COL6A3: variants seen among roughly 807,000 people sequenced by gnomAD.
COL6A3 encodes collagen type VI alpha 3 chain.
Under a neutral mutation model 274.1 loss-of-function variants are expected in COL6A3, and 137 were observed. The observed-to-expected ratio is 0.50, with a 90% CI of 0.44 to 0.58. The LOEUF is 0.58. Among genes scored for constraint, COL6A3 ranks in the 20% least tolerant of loss-of-function variants. COL6A3 has a pLI of 0.00. For synonymous variants in COL6A3, 1,650 were observed against 1,650.6 expected, an observed-to-expected ratio of 1.00 and a Z score of 0.01; for missense variants, 3,950 against 4,124.9, an observed-to-expected ratio of 0.96 and a Z score of 1.16.
At chr2:237,369,841 C>CTT in intron 9 of COL6A3, among the ~76,000 whole-genome samples, 1 of 146,002 alleles carries the variant, frequency 6.8e-6, no homozygotes, top group African/African-American at 2.5e-5. Flanking sequence ...CCTTTTCTTT[C>CTT]TTTTTTTTTT....
intron 1 of COL6A3, among the ~76,000 whole-genome samples, chr2:237,400,537 C>T (rs1057407959): frequency 1.3e-5 from 2 of 151,358 alleles, no homozygotes; most frequent in African/African-American, 4.9e-5. Context: ...ATATACAATC[C>T]ACCAAGACTG....
At position 237,368,980 on chromosome 2, in the gene COL6A3, A is replaced by G. The variant is rs1366703834; in HGVS notation, c.4483T>C (p.Ser1495Pro). 6.2e-7 allele frequency: 1 copy of G among 1,614,182 alleles called. No homozygotes were observed. Among genetic ancestry groups the G allele is most frequent in the Non-Finnish European group, 8.5e-7 (1 of 1,180,022 alleles). Reference sequence around the variant, plus strand: ...ATGGCGTCCAGCACCGGGGCCTGGGATCTGTAGGTTTTCAGATAGAATTCT... The same window carrying G: ...ATGGCGTCCAGCACCGGGGCCTGGGGTCTGTAGGTTTTCAGATAGAATTCT... ...FPEFYLKTYR[S>P]QAPVLDAIRR... Residue 1495 changes from serine to proline, a missense_variant, in exon 10 of 44, where the codon TCC (serine) becomes CCC (proline). Transcript: ENST00000295550. The surrounding 1 kb of genome is among the most constrained non-coding windows in gnomAD (Gnocchi z 4.4).
intron 24 of COL6A3, among the ~76,000 whole-genome samples, 170 bp downstream of exon 24, chr2:237,354,729 G>A (rs2077279820): frequency 6.6e-6 from 1 of 152,184 alleles, no homozygotes; most frequent in Admixed American, 6.5e-5. Context: ...AGGGCCTTCT[G>A]AGGCTGTGTC....
rs763511862 is a variant in COL6A3, at chr2:237,376,953, C to G, written c.2889G>C (p.Leu963=). The change falls in exon 7 of 44, where the codon CTG becomes CTC. Residue 963 remains leucine, a synonymous_variant. Transcript: ENST00000295550. The part of the protein sequence containing the change: ...SDRVDGPASN[L]KQSGVVPFIF... Reference sequence around the variant, plus strand: ...TGAAAGGCACAACCCCACTCTGCTTCAGGTTACTTGCTGGCCCATCCACAC... The same window carrying G: ...TGAAAGGCACAACCCCACTCTGCTTGAGGTTACTTGCTGGCCCATCCACAC... 1.2e-6 allele frequency: 2 copies of G among 1,614,240 alleles called. No individual in the cohort carries two copies. The highest frequency in any genetic ancestry group is 4.5e-5 in the East Asian group (2 of 44,884).
chr2:237,327,000 A>G (rs1699979071), intron 42 of COL6A3: 2 of 152,252 alleles, frequency 1.3e-5, no homozygotes, highest in South Asian at 4.1e-4. Flanking sequence ...AGACGCTCTC[A>G]GGGCCCAGAA....
chr2:237,326,858 C>T (rs962344528), intron 42 of COL6A3: 5 of 152,326 alleles, frequency 3.3e-5, no homozygotes, highest in Non-Finnish European at 7.3e-5. Flanking sequence ...TTGGATCACC[C>T]ACGATGGACC....
intron 8 of COL6A3, among the ~76,000 whole-genome samples, chr2:237,373,295 C>T (rs907760417): frequency 2.0e-5 from 3 of 152,168 alleles, no homozygotes; most frequent in African/African-American, 4.8e-5. Context: ...ACAGAGGCCT[C>T]CTGCAGGCAG....
At chr2:237,380,855 T>C in intron 5 of COL6A3, 60 bp downstream of exon 5, 5 of 1,483,468 alleles carry the variant, frequency 3.4e-6, no homozygotes, top group Non-Finnish European at 4.7e-6. Context: ...TTTTGTTTTG[T>C]TCTTAAAGGC....
rs983202734 is a variant in COL6A3 at position 237,368,311 on chromosome 2, GTAA to G, written c.4900+249_4900+251del. 3.2e-4 allele frequency among the ~76,000 whole-genome samples: 49 copies of G among 152,310 alleles called. No homozygotes were observed. The highest frequency in any genetic ancestry group is 6.6e-4 in the Non-Finnish European group (45 of 68,030). ...TCCTATTCTGAGAGCCAATGAGTTT[GTAA>G]TTATCTCAGTGCAACACTGCAGAAC... is the stretch of plus-strand genomic sequence containing the variant. On this transcript the variant is annotated intron_variant, in intron 10 of 43. Transcript: ENST00000295550. This position sits in a 1 kb window ranked among gnomAD's most constrained non-coding sequence, Gnocchi z 4.4.
chr2:237,324,982 CTG>C (rs1042640993), intron 43 of COL6A3, among the ~76,000 whole-genome samples, 168 bp from the exon 44 acceptor site: 5 of 152,150 alleles, frequency 3.3e-5, no homozygotes, highest in African/African-American at 1.2e-4. Context: ...CAAAGGCCCT[CTG>C]TGACGTTCTT....
At chr2:237,347,465 G>T (rs1318104012) in intron 31 of COL6A3, among the ~76,000 whole-genome samples, 1 of 152,202 alleles carries the variant, frequency 6.6e-6, no homozygotes, top group Non-Finnish European at 1.5e-5. Context: ...CCATTGCCTG[G>T]CCGTCTGGGT....
rs1035426256 is a variant in COL6A3, at chr2:237,407,692, G to A, written c.-31+6261C>T. On this transcript the variant is annotated intron_variant, in intron 1 of 43. Coordinates refer to ENST00000295550, the MANE Select transcript of COL6A3 (RefSeq NM_004369.4). This position sits in a 1 kb window ranked among gnomAD's most constrained non-coding sequence, Gnocchi z 4.3. ...TCCTAGCATTGCAGATAATAACCAT[G>A]AGGCAGAAAGTTCCATATCTGGTGT... Among the ~76,000 whole-genome samples, 25 of 152,194 alleles carry A rather than the reference G, an allele frequency of 1.6e-4. No individual in the cohort carries two copies. The highest frequency in any genetic ancestry group is 5.5e-4 in the African/African-American group (23 of 41,456).
intron 3 of COL6A3, among the ~76,000 whole-genome samples, chr2:237,390,437 T>C (rs571296647): frequency 1.3e-5 from 2 of 152,314 alleles, no homozygotes; most frequent in African/African-American, 4.8e-5. Context: ...AGCTGAAGCC[T>C]CAAGGGCACA....
intron 3 of COL6A3, among the ~76,000 whole-genome samples, chr2:237,388,786 C>T (rs998399395): frequency 2.6e-5 from 4 of 152,146 alleles, no homozygotes; most frequent in Admixed American, 2.6e-4. Context: ...CATGCAACTT[C>T]GTGAATCAGA....
chr2:237,336,230 G>C lies in COL6A3; in HGVS notation c.8870C>G (p.Ala2957Gly). The change falls in exon 40 of 44, where the codon GCT (alanine) becomes GGT (glycine). Residue 2957 changes from alanine (A) to glycine (G), a missense_variant. Physicochemically the swap from Ala to Gly is moderately conservative, Grantham distance 60. This residue lies in a region of COL6A3 where 1,284 missense variants were observed against 1,349.7 expected (regional missense o/e 0.95). Transcript: ENST00000295550. The stretch of plus-strand genomic sequence containing the variant: ...GGTCGCCACTGGTTTTGCAGCAGCA[G>C]CAGCGGGGGGTCTTACAGCTGCTGG... Reference protein sequence around the residue: ...AKPAAVRPPAAAAAKPVATKP... With the variant: ...AKPAAVRPPAGAAAKPVATKP... The C allele has an allele frequency of 6.2e-7, 1 of 1,614,026 alleles. No individual in the cohort carries two copies. The highest frequency in any genetic ancestry group is 8.5e-7 in the Non-Finnish European group (1 of 1,179,968).
In COL6A3 at chr2:237,413,502, C is replaced by T. The variant is rs541947674; in HGVS notation, c.-31+451G>A. Among the ~76,000 whole-genome samples, 1 of 152,332 alleles carries T rather than the reference C, an allele frequency of 6.6e-6. No homozygotes were observed. Among genetic ancestry groups the T allele is most frequent in the Non-Finnish European group, 1.5e-5 (1 of 68,030 alleles). On this transcript the variant is annotated intron_variant, in intron 1 of 43. Transcript: ENST00000295550. This position sits in a 1 kb window ranked among gnomAD's most constrained non-coding sequence, Gnocchi z 4.0. ...GAAAACCCATGCAGGTTGTTGCACC[C>T]TGACCTAGTGTCACCACCCAGAGAG... is the stretch of plus-strand genomic sequence containing the variant.
At chr2:237,345,802 AAC>A (rs1003990879) in intron 32 of COL6A3, among the ~76,000 whole-genome samples, 1 of 152,048 alleles carries the variant, frequency 6.6e-6, no homozygotes, top group African/African-American at 2.4e-5. Context: ...TGCTCCCCCC[AAC>A]ACTTCACCTA....
rs967226356 is a variant in COL6A3, at chr2:237,374,005, G to T, written c.3679+407C>A. The stretch of plus-strand genomic sequence containing the variant: ...ATGTCCCAGCTTGCAGAGTGTCCCT[G>T]GTCAGACTCCTTCCTGCCTCACAGA... On this transcript the variant is annotated intron_variant, in intron 8 of 43. Transcript: ENST00000295550. The surrounding 1 kb of genome is among the most constrained non-coding windows in gnomAD (Gnocchi z 4.8). Among the ~76,000 whole-genome samples the T allele has an allele frequency of 6.6e-6, 1 of 152,170 alleles. No homozygotes were observed. Among genetic ancestry groups the T allele is most frequent in the East Asian group, 1.9e-4 (1 of 5,190 alleles).
In COL6A3 at chr2:237,339,528, AGTGACCT is replaced by A. The variant is rs1374764846; in HGVS notation, c.8465-418_8465-412del. Among the ~76,000 whole-genome samples, 4 of 152,370 alleles carry A rather than the reference AGTGACCT, an allele frequency of 2.6e-5. No homozygotes were observed. The East Asian group carries it at 7.7e-4, about 29-fold the overall frequency. Reference sequence around the variant, plus strand: ...TTTTTAATCTTTGGAAGACAGGAACAGTGACCTGTGGGTGAACCTGGGGGATTACCTT... The same window carrying A: ...TTTTTAATCTTTGGAAGACAGGAACAGTGGGTGAACCTGGGGGATTACCTT... On this transcript the variant is annotated intron_variant, in intron 38 of 43. Coordinates refer to ENST00000295550, the MANE Select transcript of COL6A3 (RefSeq NM_004369.4).
Sources: allele counts gnomAD v4.1 joint callset (sites outside exome capture counted in the v4.1 genomes callset), GRCh38; gene constraint gnomAD v4.1.1; regional missense constraint gnomAD v4.1.1; non-coding constraint Gnocchi (gnomAD v3.1); transcripts MANE v1.5; gene names NCBI Gene and HGNC (gene_info 2026-07-23, HGNC 2026-07-21).